C8orf34: variants seen among roughly 807,000 people sequenced by gnomAD.
C8orf34 encodes the protein chromosome 8 open reading frame 34.
Under a neutral mutation model 68.3 loss-of-function variants are expected in C8orf34, and 65 were observed. That is an observed-to-expected ratio of 0.95 (90% CI 0.78 to 1.17). C8orf34 has a LOEUF of 1.17. Ranked by LOEUF, C8orf34 falls within the 50% of genes most tolerant of loss-of-function variation. C8orf34 has a pLI of 0.00. For missense variants in C8orf34, 664 were observed against 655.4 expected (o/e 1.01, Z -0.14); for synonymous variants, 244 against 241.2 (o/e 1.01, Z -0.11).
chr8:68,801,895 TA>T (rs76145523), intron 12 of C8orf34, among the ~76,000 whole-genome samples: 12,921 of 145,280 alleles, frequency 0.089, 1,147 homozygotes, highest in African/African-American at 0.23. Flanking sequence ...ATGCAGTAAT[TA>T]AAAAAAAAAA....
chr8:68,456,255 G>GA (rs377708631), intron 3 of C8orf34, among the ~76,000 whole-genome samples: 16,465 of 143,680 alleles, frequency 0.11, 993 homozygotes, highest in African/African-American at 0.15. Context: ...CACTCTGTCT[G>GA]AAAAAAAAAA....
chr8:68,752,018 A>T (rs1037090477), intron 10 of C8orf34, among the ~76,000 whole-genome samples: 1 of 152,194 alleles, frequency 6.6e-6, no homozygotes, highest in Admixed American at 6.5e-5. Context: ...TTGCAGTTTC[A>T]GCCTCATAGG....
At chr8:68,402,031 C>T (rs1475818088) in intron 1 of C8orf34, among the ~76,000 whole-genome samples, 15 of 152,012 alleles carry the variant, frequency 9.9e-5, no homozygotes. Flanking sequence ...TACAAATTCA[C>T]CTGGTTTTGG....
chr8:68,708,483 A>G (rs1821236212), intron 8 of C8orf34, among the ~76,000 whole-genome samples: 1 of 152,232 alleles, frequency 6.6e-6, no homozygotes, highest in Non-Finnish European at 1.5e-5. Context: ...GTCTATGAGA[A>G]GTCTGGGCAG....
chr8:68,331,982 C>A (rs1301137358), intron 1 of C8orf34, among the ~76,000 whole-genome samples: 1 of 150,460 alleles, frequency 6.6e-6, no homozygotes. Context: ...AAAGGAGAGT[C>A]CTTTGCACTG....
intron 6 of C8orf34, among the ~76,000 whole-genome samples, chr8:68,523,016 G>A (rs996598406): frequency 1.3e-5 from 2 of 152,156 alleles, no homozygotes; most frequent in Admixed American, 6.5e-5. Context: ...TCACTTGGCT[G>A]GAGGGAAGGA....
At chr8:68,740,782 A>G (rs1822266139) in intron 10 of C8orf34, among the ~76,000 whole-genome samples, 1 of 151,960 alleles carries the variant, frequency 6.6e-6, no homozygotes, top group African/African-American at 2.4e-5. Flanking sequence ...AAAAACACAT[A>G]TGTTCATTGC....
chr8:68,353,485 A>G (rs1806606645), intron 1 of C8orf34, among the ~76,000 whole-genome samples: 1 of 150,970 alleles, frequency 6.6e-6, no homozygotes, highest in Admixed American at 6.6e-5. Context: ...AAAGTTATGG[A>G]TGTGTGGATG....
intron 1 of C8orf34, among the ~76,000 whole-genome samples, chr8:68,422,345 A>C (rs1810016033): frequency 6.6e-6 from 1 of 152,240 alleles, no homozygotes; most frequent in South Asian, 2.1e-4. Context: ...CACCCATTCC[A>C]AATGGGAGAA....
intron 1 of C8orf34, among the ~76,000 whole-genome samples, chr8:68,334,943 C>A (rs1805784115): frequency 6.6e-6 from 1 of 152,122 alleles, no homozygotes; most frequent in African/African-American, 2.4e-5. Context: ...TGTATGCAAC[C>A]CTGAACTCCA....
At chr8:68,585,886 G>A (rs548675977) in intron 7 of C8orf34, among the ~76,000 whole-genome samples, 1 of 152,260 alleles carries the variant, frequency 6.6e-6, no homozygotes, top group Admixed American at 6.5e-5. Flanking sequence ...TGTCTTTTAT[G>A]AGTTAGCCTC....
chr8:68,616,454 G>A (rs577393508), intron 7 of C8orf34, among the ~76,000 whole-genome samples: 22 of 152,256 alleles, frequency 1.4e-4, no homozygotes, highest in African/African-American at 5.3e-4. Flanking sequence ...TATACACACT[G>A]CTTTGAATGT....
At chr8:68,721,664 C>CT (rs1388940803) in intron 10 of C8orf34, among the ~76,000 whole-genome samples, 2 of 151,798 alleles carry the variant, frequency 1.3e-5, no homozygotes, top group Non-Finnish European at 2.9e-5. Flanking sequence ...AGGTTATGAG[C>CT]TGCCATGTGA....
At chr8:68,470,620 T>C (rs908070895) in intron 4 of C8orf34, among the ~76,000 whole-genome samples, 2 of 152,096 alleles carry the variant, frequency 1.3e-5, no homozygotes, top group East Asian at 3.9e-4. Flanking sequence ...GAGTGACTTA[T>C]TAACAACAGA....
Position 68,561,255 on chromosome 8 carries a change from T to A in C8orf34, c.1105+28106T>A, listed in dbSNP as rs1816416297. 2.6e-5 allele frequency among the ~76,000 whole-genome samples: 4 copies of A among 152,060 alleles called. No individual in the cohort carries two copies. The South Asian group carries it at 8.3e-4, about 32-fold the overall frequency. ...GCTTCAGCCTTCCAAAGTGCTAGGA[T>A]TACAGGCATGAGCCACCACACCCAA... On this transcript the variant is annotated intron_variant, in intron 7 of 13. Transcript: ENST00000518698.
intron 10 of C8orf34, among the ~76,000 whole-genome samples, chr8:68,749,004 T>TA (rs1316497494): frequency 2.6e-5 from 4 of 151,950 alleles, no homozygotes; most frequent in Non-Finnish European, 5.9e-5. Flanking sequence ...CCAACAATGA[T>TA]AGACTGGATT....
chr8:68,523,547 G>A (rs890949832), intron 6 of C8orf34, among the ~76,000 whole-genome samples: 2 of 152,048 alleles, frequency 1.3e-5, no homozygotes, highest in African/African-American at 4.8e-5. Context: ...ATAAATTGAG[G>A]TATTACACTG....
At chr8:68,431,105 A>G (rs1249455597) in intron 1 of C8orf34, among the ~76,000 whole-genome samples, 1 of 152,142 alleles carries the variant, frequency 6.6e-6, no homozygotes, top group Non-Finnish European at 1.5e-5. Flanking sequence ...AATCCAGGTC[A>G]AACACCAAAA....
chr8:68,770,689 T>A (rs1823313878), intron 10 of C8orf34, among the ~76,000 whole-genome samples: 2 of 152,232 alleles, frequency 1.3e-5, no homozygotes. Flanking sequence ...AAAACGGCTT[T>A]ATTTTTTTTC....
Sources: allele counts gnomAD v4.1 joint callset (sites outside exome capture counted in the v4.1 genomes callset), GRCh38; gene constraint gnomAD v4.1.1; transcripts MANE v1.5; gene names NCBI Gene and HGNC (gene_info 2026-07-23, HGNC 2026-07-21).